GNG7: variants seen among roughly 807,000 people sequenced by gnomAD.
GNG7 encodes guanine nucleotide-binding protein G(I)/G(S)/G(O) subunit gamma-7.
In GNG7, 1 loss-of-function variant was observed where a neutral mutation model predicts 4.0. That is an observed-to-expected ratio of 0.25 (90% CI 0.09 to 1.18). GNG7 has a LOEUF of 1.18. Among genes scored for constraint, GNG7 ranks in the 50% most tolerant of loss-of-function variants. The pLI, the probability that GNG7 is intolerant of heterozygous loss-of-function variation, is 0.50. For synonymous variants in GNG7, 34 were observed against 36.9 expected (o/e 0.92, Z 0.29); for missense variants, 86 against 91.9 (o/e 0.94, Z 0.26).
intron 1 of GNG7, among the ~76,000 whole-genome samples, chr19:2,682,999 G>A (rs534365901): frequency 3.3e-5 from 5 of 151,616 alleles, no homozygotes; most frequent in African/African-American, 9.7e-5. Context: ...TTGGGAGTCC[G>A]AGGCGGGCAG....
chr19:2,530,775 G>C (rs4075811), intron 3 of GNG7, among the ~76,000 whole-genome samples: 43,756 of 152,060 alleles, frequency 0.29, 6,636 homozygotes, highest in East Asian at 0.51. Flanking sequence ...GGGCCTGCAG[G>C]GTTATTAAGA....
chr19:2,609,238 G>A lies in GNG7; in HGVS notation c.-78+36986C>T, dbSNP rs1981488695. Among the ~76,000 whole-genome samples the A allele has an allele frequency of 1.3e-5, 2 of 152,056 alleles. No individual in the cohort carries two copies. Among genetic ancestry groups the A allele is most frequent in the Non-Finnish European group, 2.9e-5 (2 of 68,020 alleles). ...ATGGGGGTCTCACTATGTTGCCAAG[G>A]CTGGTCTTGAACTCCTAGCCTCATG... On this transcript the variant is annotated intron_variant, in intron 2 of 4. Transcript: ENST00000382159. This position sits in a 1 kb window ranked among gnomAD's most constrained non-coding sequence, Gnocchi z 4.4.
At chr19:2,657,399 T>TATATATATATACACAC (rs1332253018) in intron 1 of GNG7, among the ~76,000 whole-genome samples, 19 of 80,728 alleles carry the variant, frequency 2.4e-4, no homozygotes, top group Non-Finnish European at 3.3e-4. Context: ...TATATATATA[T>TATATATATATACACAC]ACACATAATA....
chr19:2,698,780 G>A (rs535716744), intron 1 of GNG7, among the ~76,000 whole-genome samples: 1 of 145,880 alleles, frequency 6.9e-6, no homozygotes, highest in Non-Finnish European at 1.5e-5. Flanking sequence ...CACTACTATC[G>A]GTGAACAAGA....
Position 2,513,032 on chromosome 19 carries a change from CG to C in GNG7, c.*1989del, listed in dbSNP as rs1254742770. ...GGGCTCCCCGAAGCCCCAGCCCTCC[CG>C]GACCTGCCGTAGAGAGCTGGGTGCC... On this transcript the variant is annotated 3_prime_UTR_variant, in exon 5 of 5. Coordinates refer to ENST00000382159, the MANE Select transcript of GNG7 (RefSeq NM_052847.3). The C allele has an allele frequency of 1.1e-5, 11 of 985,332 alleles. No homozygotes were observed. In the African/African-American group the frequency reaches 1.4e-4, roughly 13 times the overall value. 61.0% of individuals were successfully genotyped at this position (985,332 alleles called of 1,614,324 possible).
At chr19:2,646,993 G>T (rs953295172) in intron 1 of GNG7, among the ~76,000 whole-genome samples, 1 of 152,174 alleles carries the variant, frequency 6.6e-6, no homozygotes, top group Non-Finnish European at 1.5e-5. Flanking sequence ...CTGCATCCTG[G>T]GAAGTCCCTC....
In GNG7 at chr19:2,512,860, A is replaced by G; in HGVS notation, c.*2162T>C. ...GGGGTCCTCCCAGGGTCTCTGGAAC[A>G]GGCTTTTGTCCCTTCCTGCCATTCC... On this transcript the variant is annotated 3_prime_UTR_variant, in exon 5 of 5. Transcript: ENST00000382159. The surrounding 1 kb of genome is among the most constrained non-coding windows in gnomAD (Gnocchi z 4.7). 3 of 976,794 alleles carry G rather than the reference A, an allele frequency of 3.1e-6. No homozygotes were observed. The highest frequency in any genetic ancestry group is 3.6e-6 in the Non-Finnish European group (3 of 822,018). The allele number at this position is 976,794 out of a possible 1,614,324, so 60.5% of individuals were successfully genotyped here. A position where few individuals can be genotyped will look rare whatever the true frequency, so the allele number is the denominator to read the frequency against.
intron 1 of GNG7, among the ~76,000 whole-genome samples, chr19:2,660,285 T>TC (rs1164149560): frequency 6.6e-6 from 1 of 152,232 alleles, no homozygotes; most frequent in Non-Finnish European, 1.5e-5. Context: ...TGTGTAATTC[T>TC]CCCTGAGCCT....
At chr19:2,648,224 T>C (rs758146579) in intron 1 of GNG7, among the ~76,000 whole-genome samples, 2 of 150,840 alleles carry the variant, frequency 1.3e-5, no homozygotes, top group Non-Finnish European at 3.0e-5. Flanking sequence ...CCATCTGCCA[T>C]CTCTATAAAA....
intron 2 of GNG7, among the ~76,000 whole-genome samples, chr19:2,567,263 C>T (rs1330681642): frequency 6.6e-6 from 1 of 151,586 alleles, no homozygotes; most frequent in African/African-American, 2.4e-5. Flanking sequence ...CGTGATCATT[C>T]CTGTAGTGAT....
chr19:2,602,942 CCTTT>C (rs1022995691), intron 2 of GNG7, among the ~76,000 whole-genome samples: 41 of 136,368 alleles, frequency 3.0e-4, no homozygotes, highest in Admixed American at 1.3e-3. Flanking sequence ...TTCCTTTCTT[CCTTT>C]CTTTCTTTTC....
At chr19:2,651,002 G>A (rs1982797100) in intron 1 of GNG7, among the ~76,000 whole-genome samples, 2 of 152,148 alleles carry the variant, frequency 1.3e-5, no homozygotes, top group South Asian at 4.1e-4. Context: ...GCACCTATGG[G>A]CAGCTGGCCC....
At chr19:2,669,444 C>T (rs1356567183) in intron 1 of GNG7, among the ~76,000 whole-genome samples, 1 of 152,092 alleles carries the variant, frequency 6.6e-6, no homozygotes, top group Non-Finnish European at 1.5e-5. Flanking sequence ...GAGCCGGGAT[C>T]GTGCCACTGC....
intron 1 of GNG7, among the ~76,000 whole-genome samples, chr19:2,682,518 C>A (rs1983764133): frequency 6.6e-6 from 1 of 151,078 alleles, no homozygotes; most frequent in Non-Finnish European, 1.5e-5. Context: ...CAAAAATTGG[C>A]CAGGCGTGGT....
At chr19:2,659,835 C>T (rs946535041) in intron 1 of GNG7, among the ~76,000 whole-genome samples, 2 of 151,960 alleles carry the variant, frequency 1.3e-5, no homozygotes, top group South Asian at 2.1e-4. Flanking sequence ...CAACATGATC[C>T]GTAAGCACTG....
At chr19:2,699,979 C>T (rs1218734062) in intron 1 of GNG7, among the ~76,000 whole-genome samples, 3 of 152,130 alleles carry the variant, frequency 2.0e-5, no homozygotes, top group African/African-American at 7.2e-5. Flanking sequence ...CTTTGAGACT[C>T]TCCTGCCACC....
chr19:2,523,309 T>C (rs956132615), intron 3 of GNG7, among the ~76,000 whole-genome samples: 2 of 151,510 alleles, frequency 1.3e-5, no homozygotes, highest in Admixed American at 6.6e-5. Context: ...ACCAGCACTT[T>C]GGGAGGCTGA....
At chr19:2,608,335 C>A (rs985928552) in intron 2 of GNG7, among the ~76,000 whole-genome samples, 2 of 151,624 alleles carry the variant, frequency 1.3e-5, no homozygotes, top group Admixed American at 1.3e-4. Flanking sequence ...AAAAAGTCCC[C>A]GAAGCCCCTG....
At chr19:2,567,357 G>A (rs1202895245) in intron 2 of GNG7, among the ~76,000 whole-genome samples, 1 of 151,870 alleles carries the variant, frequency 6.6e-6, no homozygotes, top group Non-Finnish European at 1.5e-5. Context: ...GTGTGACATA[G>A]GGTCTCACTC....
Sources: gnomAD v4.1 joint callset for allele counts (sites outside exome capture counted in the v4.1 genomes callset) on GRCh38, gnomAD v4.1.1 for gene constraint, Gnocchi (gnomAD v3.1) non-coding constraint, MANE v1.5 for transcripts, NCBI Gene and HGNC (gene_info 2026-07-23, HGNC 2026-07-21) for gene names.